Variants in SERPINA9 observed in about 807,000 individuals in gnomAD.
SERPINA9 encodes serpin A9.
A neutral mutation model predicts 24.5 loss-of-function variants in SERPINA9; 32 were observed. The observed-to-expected ratio is 1.30, with a 90% CI of 0.98 to 1.75. The LOEUF is 1.75. Ranked by LOEUF, SERPINA9 falls within the 40% of genes most tolerant of loss-of-function variation. The pLI, the probability that SERPINA9 is intolerant of heterozygous loss-of-function variation, is 0.00. For synonymous variants in SERPINA9, 233 were observed against 197.7 expected, an observed-to-expected ratio of 1.18 and a Z score of -1.50; for missense variants, 594 against 497.1, an observed-to-expected ratio of 1.19 and a Z score of -1.85.
At chr14:94,467,912 CATGG>C (rs58640197) in intron 2 of SERPINA9, among the ~76,000 whole-genome samples, 147,024 of 148,444 alleles carry the variant, frequency 0.99, 72,811 homozygotes, top group African/African-American at 0.99. Context: ...TGAATGGATG[CATGG>C]ATGGATGGAT....
At chr14:94,470,017 G>A in intron 1 of SERPINA9, 160 bp from the exon 2 acceptor site, 1 of 655,240 alleles carries the variant, frequency 1.5e-6, no homozygotes, top group Admixed American at 3.6e-5. Context: ...ATATTCCCAT[G>A]ATGTAGATCT....
chr14:94,462,882 T>A lies in SERPINA9; in HGVS notation c.*211A>T. The A allele has an allele frequency of 1.8e-6, 1 of 550,146 alleles. No individual in the cohort carries two copies. 34.1% of individuals were successfully genotyped at this position (550,146 alleles called of 1,614,324 possible). ...ATGAAGCTAGTTACCTGGGAGAATTTGTGGAAAAGGGCACTGACTGGGGTT... is the reference window on the plus strand; with the variant it reads ...ATGAAGCTAGTTACCTGGGAGAATTAGTGGAAAAGGGCACTGACTGGGGTT... On this transcript the variant is annotated 3_prime_UTR_variant, in exon 5 of 5. Transcript: ENST00000674397.
Position 94,469,829 on chromosome 14 carries a change from G to T in SERPINA9, c.12C>A (p.Tyr4Ter). 2 of 1,511,750 alleles carry T rather than the reference G, an allele frequency of 1.3e-6. No homozygotes were observed. The highest frequency in any genetic ancestry group is 1.8e-6 in the Non-Finnish European group (2 of 1,130,846). The allele number at this position is 1,511,750 out of a possible 1,614,324, so 93.6% of individuals were successfully genotyped here. A position where few individuals can be genotyped will look rare whatever the true frequency, so the allele number is the denominator to read the frequency against. Residue 4 changes from tyrosine (Y) to a stop codon, truncating the protein, a stop_gained, in exon 2 of 5, where the codon TAC (tyrosine) becomes TAA (stop). Transcript: ENST00000674397. LOFTEE classifies it high-confidence loss of function. The part of the protein sequence containing the change: MAS[Y>*]LYGVLFAVGL... The stretch of plus-strand genomic sequence containing the variant: ...CAACAGCAAAGAGTACTCCATAAAG[G>T]TAAGATGCCATTTTGGAACAAAATA...
intron 4 of SERPINA9, among the ~76,000 whole-genome samples, chr14:94,463,627 G>A (rs533271089): frequency 1.6e-4 from 24 of 152,314 alleles, no homozygotes; most frequent in Non-Finnish European, 3.1e-4. Flanking sequence ...CATATGCCCC[G>A]TAAGGTTATT....
chr14:94,473,479 A>G (rs903524982), intron 1 of SERPINA9, among the ~76,000 whole-genome samples: 1 of 143,682 alleles, frequency 7.0e-6, no homozygotes, highest in Non-Finnish European at 1.5e-5. Context: ...AGATCAGGCC[A>G]TTGCACTCCA....
chr14:94,463,273 A>T lies in SERPINA9; in HGVS notation c.1074T>A (p.Asp358Glu). ...TGGCCTCAGTGCCCTCTTCACTGAC[A>T]TCCAGCACAGCCTTGTGGGTTGCCT... ...VSKATHKAVL[D>E]VSEEGTEATA... Residue 358 changes from aspartate (D) to glutamate (E), a missense_variant, in exon 5 of 5, where the codon GAT becomes GAA. Physicochemically the swap from Asp to Glu is conservative, Grantham distance 45 (BLOSUM62 2). Coordinates refer to ENST00000674397, the MANE Select transcript of SERPINA9 (RefSeq NM_175739.4). 2 of 1,614,154 alleles carry T rather than the reference A, an allele frequency of 1.2e-6. No individual in the cohort carries two copies. Among genetic ancestry groups the T allele is most frequent in the Non-Finnish European group, 1.7e-6 (2 of 1,180,026 alleles).
At chr14:94,475,340 T>C in intron 1 of SERPINA9, among the ~76,000 whole-genome samples, 1 of 152,050 alleles carries the variant, frequency 6.6e-6, no homozygotes, top group East Asian at 1.9e-4. Context: ...CTTTTCCATG[T>C]CCTTAACCTT....
intron 3 of SERPINA9, among the ~76,000 whole-genome samples, chr14:94,465,386 C>G (rs1898953365): frequency 6.6e-6 from 1 of 152,238 alleles, no homozygotes; most frequent in African/African-American, 2.4e-5. Flanking sequence ...GTTAATTTTA[C>G]TACATTTCAG....
intron 2 of SERPINA9, among the ~76,000 whole-genome samples, chr14:94,468,170 G>A (rs1163544704): frequency 6.6e-6 from 1 of 150,944 alleles, no homozygotes; most frequent in Admixed American, 6.6e-5. Context: ...TAATGGACAG[G>A]TGGTTGGCTA....
At chr14:94,474,581 T>C (rs1422237737) in intron 1 of SERPINA9, among the ~76,000 whole-genome samples, 1 of 151,968 alleles carries the variant, frequency 6.6e-6, no homozygotes, top group African/African-American at 2.4e-5. Context: ...TCCACCACAC[T>C]CCCCACTTTG....
chr14:94,469,956 G>T (rs965494402), intron 1 of SERPINA9, 99 bp from the exon 2 acceptor site: 4 of 988,550 alleles, frequency 4.0e-6, no homozygotes, highest in Non-Finnish European at 5.8e-6. Flanking sequence ...GCAGAATGAG[G>T]ACAGATAGGC....
intron 1 of SERPINA9, among the ~76,000 whole-genome samples, chr14:94,475,733 G>A (rs77309370): frequency 2.6e-5 from 4 of 152,194 alleles, no homozygotes; most frequent in South Asian, 2.1e-4. Flanking sequence ...TCCCTCTCAA[G>A]CTGATCCTTG....
intron 1 of SERPINA9, among the ~76,000 whole-genome samples, chr14:94,471,235 T>G (rs907065648): frequency 2.6e-5 from 4 of 152,120 alleles, no homozygotes; most frequent in South Asian, 2.1e-4. Context: ...AGCACCGGCA[T>G]GAAGTGTTAC....
At chr14:94,474,677 G>A (rs990162923) in intron 1 of SERPINA9, among the ~76,000 whole-genome samples, 8 of 152,140 alleles carry the variant, frequency 5.3e-5, no homozygotes, top group Non-Finnish European at 1.2e-4. Flanking sequence ...TCTTTTGGCT[G>A]TGGCCCGGGT....
At chr14:94,476,082 C>G in intron 1 of SERPINA9, 54 bp downstream of exon 1, 1 of 1,613,526 alleles carries the variant, frequency 6.2e-7, no homozygotes, top group South Asian at 1.1e-5. Flanking sequence ...CAGTCCTTCC[C>G]TCTGGCTCAG....
chr14:94,475,057 C>T (rs1899518599), intron 1 of SERPINA9, among the ~76,000 whole-genome samples: 1 of 152,144 alleles, frequency 6.6e-6, no homozygotes, highest in Admixed American at 6.5e-5. Context: ...CATCCCCTAT[C>T]TTCGTTTGCC....
rs755259417 is a variant in SERPINA9 at position 94,464,862 on chromosome 14, G to A, written c.903-8C>T. The A allele has an allele frequency of 1.9e-6, 3 of 1,607,578 alleles. No individual in the cohort carries two copies. Among genetic ancestry groups the A allele is most frequent in the Non-Finnish European group, 2.5e-6 (3 of 1,177,596 alleles). On this transcript the variant is annotated splice_region_variant and splice_polypyrimidine_tract_variant and intron_variant, in intron 3 of 4. Transcript: ENST00000674397. ...ATGAACACCTCTATCCACCTGTGGA[G>A]TAGGGAAAAGGAAACAATGAGGTCA...
intron 3 of SERPINA9, 55 bp downstream of exon 3, chr14:94,467,054 T>G (rs1899034189): frequency 6.4e-7 from 1 of 1,566,822 alleles, no homozygotes; most frequent in Non-Finnish European, 8.7e-7. Context: ...CTCCCTCATC[T>G]TTGAATGTGT....
At chr14:94,472,313 C>T (rs1286549809) in intron 1 of SERPINA9, among the ~76,000 whole-genome samples, 1 of 152,160 alleles carries the variant, frequency 6.6e-6, no homozygotes, top group East Asian at 1.9e-4. Context: ...ATGCCACCTT[C>T]CTTTGCTAAT....
Sources: gnomAD v4.1 joint callset for allele counts (sites outside exome capture counted in the v4.1 genomes callset) on GRCh38, gnomAD v4.1.1 for gene constraint, MANE v1.5 for transcripts, NCBI Gene and HGNC (gene_info 2026-07-23, HGNC 2026-07-21) for gene names.